The following DYNC1I2 variants were observed in gnomAD, a reference collection of about 807,000 sequenced individuals.
The protein encoded by DYNC1I2 is cytoplasmic dynein 1 intermediate chain 2.
In DYNC1I2, 53 loss-of-function variants were observed where a neutral mutation model predicts 88.6. That is an observed-to-expected ratio of 0.60 (90% CI 0.48 to 0.75). The LOEUF is 0.75. Among genes scored for constraint, DYNC1I2 ranks in the 30% least tolerant of loss-of-function variants. DYNC1I2 has a pLI of 0.00. For missense variants in DYNC1I2, 458 were observed against 766.6 expected, an observed-to-expected ratio of 0.60 and a Z score of 4.75; for synonymous variants, 198 against 254.6, an observed-to-expected ratio of 0.78 and a Z score of 2.12.
chr2:171,707,064 A>G (rs1686735067), intron 4 of DYNC1I2: 3 of 644,862 alleles, frequency 4.7e-6, no homozygotes, highest in Non-Finnish European at 7.9e-6. Context: ...GCTCAAATGC[A>G]TTTTGCCAGA....
chr2:171,707,508 G>C (rs1051308120), intron 5 of DYNC1I2, 131 bp downstream of exon 5: 1 of 719,618 alleles, frequency 1.4e-6, no homozygotes, highest in Middle Eastern at 2.6e-4. Flanking sequence ...AAATGGCATA[G>C]AAATTCTCTG....
intron 5 of DYNC1I2, among the ~76,000 whole-genome samples, chr2:171,711,890 A>C (rs1687149835): frequency 1.3e-5 from 2 of 152,192 alleles, no homozygotes; most frequent in African/African-American, 4.8e-5. Flanking sequence ...TTTAGTGGGG[A>C]CTATGAGCAT....
rs76462832 is a variant in DYNC1I2, at chr2:171,730,814, A to G, written c.1536+961A>G. ...TCTTCAGTTTCTGTAAGAAAACCTA[A>G]TGTAAGAGATGTTCTTCACTATTTT... On this transcript the variant is annotated intron_variant, in intron 15 of 17. Transcript: ENST00000397119. 1.5e-3 allele frequency among the ~76,000 whole-genome samples: 235 copies of G among 152,312 alleles called. 1 individual carries two copies. The highest frequency in any genetic ancestry group is 5.4e-3 in the African/African-American group (226 of 41,572).
At chr2:171,726,161 C>T (rs768237714) in intron 9 of DYNC1I2, 33 bp from the exon 10 acceptor site, 1 of 1,585,776 alleles carries the variant, frequency 6.3e-7, no homozygotes, top group Non-Finnish European at 8.6e-7. Context: ...GTTATAACAC[C>T]ATCTTTTTGG....
At chr2:171,726,511 C>T in intron 10 of DYNC1I2, 1 of 546,256 alleles carries the variant, frequency 1.8e-6, no homozygotes, top group Non-Finnish European at 3.1e-6. Context: ...ATGATACAGG[C>T]CAGTTTTACT....
chr2:171,692,796 C>G lies in DYNC1I2; in HGVS notation c.128C>G (p.Ala43Gly). 1 of 1,605,682 alleles carries G rather than the reference C, an allele frequency of 6.2e-7. No homozygotes were observed. Residue 43 changes from alanine (A) to glycine (G), a missense_variant, in exon 3 of 18, where the codon GCT becomes GGT. Physicochemically the swap from Ala to Gly is moderately conservative, Grantham distance 60. Coordinates refer to ENST00000397119, the MANE Select transcript of DYNC1I2 (RefSeq NM_001378.3). ...TTTTAGACAGACCAGAAGAAGGAAG[C>G]TGTTGCTCCTGTGCAAGAAGAATCA... ...KKKETDQKKE[A>G]VAPVQEESDL...
intron 15 of DYNC1I2, among the ~76,000 whole-genome samples, chr2:171,738,409 T>C (rs2105756822): frequency 6.6e-6 from 1 of 152,328 alleles, no homozygotes; most frequent in East Asian, 1.9e-4. Flanking sequence ...GTGAGATTGA[T>C]TCATATTTGT....
intron 5 of DYNC1I2, among the ~76,000 whole-genome samples, chr2:171,708,047 C>A (rs1357130908): frequency 2.9e-5 from 4 of 139,544 alleles, no homozygotes; most frequent in African/African-American, 1.1e-4. Flanking sequence ...AGTATTACTA[C>A]TTATTCCTCT....
chr2:171,711,032 C>T (rs1379187900), intron 5 of DYNC1I2, among the ~76,000 whole-genome samples: 4 of 143,576 alleles, frequency 2.8e-5, no homozygotes, highest in African/African-American at 5.1e-5. Context: ...CCTCACCCCA[C>T]GACAGGCCCC....
At chr2:171,727,157 GC>G (rs1688308233) in intron 11 of DYNC1I2, among the ~76,000 whole-genome samples, 1 of 152,064 alleles carries the variant, frequency 6.6e-6, no homozygotes, top group South Asian at 2.1e-4. Context: ...AAAGTCCTTT[GC>G]AGTTGTGATT....
At chr2:171,728,053 C>T in intron 12 of DYNC1I2, 86 bp downstream of exon 12, 2 of 1,420,946 alleles carry the variant, frequency 1.4e-6, no homozygotes, top group Non-Finnish European at 1.9e-6. Context: ...AGAGTCATCT[C>T]AGAATGTGCT....
intron 5 of DYNC1I2, among the ~76,000 whole-genome samples, chr2:171,709,879 A>G (rs1445462259): frequency 6.6e-6 from 1 of 151,960 alleles, no homozygotes; most frequent in African/African-American, 2.4e-5. Context: ...AACCGCGCCC[A>G]GCTAATTTTG....
At chr2:171,689,882 CTTTTTTT>C (rs10716223) in intron 1 of DYNC1I2, among the ~76,000 whole-genome samples, 2 of 54,156 alleles carry the variant, frequency 3.7e-5, no homozygotes, top group Non-Finnish European at 6.5e-5. Context: ...TTTTTCTTGC[CTTTTTTT>C]TTTTTTTTTT....
Position 171,727,826 on chromosome 2 carries a change from T to C in DYNC1I2, c.1002T>C (p.Ala334=), listed in dbSNP as rs758292803. 3.7e-6 allele frequency: 6 copies of C among 1,612,320 alleles called. No homozygotes were observed. The highest frequency in any genetic ancestry group is 1.3e-5 in the African/African-American group (1 of 74,870). ...AAAATCTTACTTATTTGCAGTCAGC[T>C]GTGATGTCTGCCACATTTGCAAAAT... The part of the protein sequence containing the change: ...TPEYVFHCQS[A]VMSATFAKFH... Residue 334 remains alanine (A), a synonymous_variant, in exon 12 of 18, where the codon GCT becomes GCC. Transcript: ENST00000397119.
intron 10 of DYNC1I2, 143 bp from the exon 11 acceptor site, chr2:171,726,648 C>A: frequency 1.2e-6 from 1 of 827,460 alleles, no homozygotes; most frequent in Non-Finnish European, 1.8e-6. Context: ...TCCCAGTAGG[C>A]ATAATGCTAG....
At chr2:171,689,736 T>G (rs940307190) in intron 1 of DYNC1I2, among the ~76,000 whole-genome samples, 2 of 151,946 alleles carry the variant, frequency 1.3e-5, no homozygotes, top group Non-Finnish European at 2.9e-5. Context: ...GTTTATTTTT[T>G]AGAGACGCTC....
intron 3 of DYNC1I2, chr2:171,693,140 A>G (rs1685515792): frequency 7.2e-6 from 3 of 417,758 alleles, no homozygotes; most frequent in South Asian, 5.2e-5. Flanking sequence ...TTATTAAATC[A>G]GTAATTTATT....
chr2:171,693,276 T>C (rs1574500393), intron 3 of DYNC1I2, among the ~76,000 whole-genome samples: 1 of 152,188 alleles, frequency 6.6e-6, no homozygotes, highest in East Asian at 1.9e-4. Flanking sequence ...CAGACTTATA[T>C]TGTTAGAATG....
intron 7 of DYNC1I2, among the ~76,000 whole-genome samples, chr2:171,718,905 A>G (rs1687715382): frequency 6.6e-6 from 1 of 152,238 alleles, no homozygotes; most frequent in East Asian, 1.9e-4. Context: ...TGAAAGAGGT[A>G]GTTTATCGAG....
Sources: gnomAD v4.1 joint callset for allele counts (sites outside exome capture counted in the v4.1 genomes callset) on GRCh38, gnomAD v4.1.1 for gene constraint, MANE v1.5 for transcripts, NCBI Gene and HGNC (gene_info 2026-07-23, HGNC 2026-07-21) for gene names.